Variants in CFAP299 observed in about 807,000 individuals in gnomAD.
CFAP299 encodes cilia- and flagella-associated protein 299.
Under a neutral mutation model 27.0 loss-of-function variants are expected in CFAP299, and 21 were observed. The ratio of observed to expected loss-of-function variants is 0.78; its 90% CI spans 0.55 to 1.12. CFAP299 has a LOEUF of 1.12. Ranked by LOEUF, CFAP299 falls within the 50% of genes most tolerant of loss-of-function variation. The pLI is 0.00. For synonymous variants in CFAP299, 104 were observed against 98.1 expected (o/e 1.06, Z -0.36); for missense variants, 310 against 276.6 (o/e 1.12, Z -0.86).
chr4:80,416,622 G>C (rs186802108), intron 2 of CFAP299, among the ~76,000 whole-genome samples: 3 of 152,208 alleles, frequency 2.0e-5, no homozygotes, highest in Admixed American at 2.0e-4. Flanking sequence ...AGTAAAATCA[G>C]AGTAACTCTC....
chr4:80,714,703 C>T lies in CFAP299; in HGVS notation c.333+131520C>T, dbSNP rs548502039. Among the ~76,000 whole-genome samples, 6 of 152,116 alleles carry T rather than the reference C, an allele frequency of 3.9e-5. No individual in the cohort carries two copies. The South Asian group carries it at 1.2e-3, about 32-fold the overall frequency. On this transcript the variant is annotated intron_variant, in intron 3 of 5. Coordinates refer to ENST00000358105, the MANE Select transcript of CFAP299 (RefSeq NM_152770.3). ...TTTGTTTTTTTCATCATACCCATAC[C>T]TTGCTACGTGCTCTTTCCCTTTGGA...
At chr4:80,755,306 A>G (rs1408583031) in intron 3 of CFAP299, among the ~76,000 whole-genome samples, 1 of 152,142 alleles carries the variant, frequency 6.6e-6, no homozygotes, top group East Asian at 1.9e-4. Context: ...GCAACAAAAA[A>G]AAAGACAAAT....
intron 3 of CFAP299, among the ~76,000 whole-genome samples, chr4:80,837,274 T>TTGTTTA (rs1730614795): frequency 6.6e-6 from 1 of 152,206 alleles, no homozygotes; most frequent in South Asian, 2.1e-4. Context: ...TTCATTGTAT[T>TTGTTTA]TGTTTTTAAT....
intron 3 of CFAP299, among the ~76,000 whole-genome samples, chr4:80,799,787 T>G (rs1409124337): frequency 2.3e-5 from 1 of 44,112 alleles, no homozygotes; most frequent in African/African-American, 9.3e-5. Flanking sequence ...ATATATATTA[T>G]ATATTATATT....
intron 2 of CFAP299, among the ~76,000 whole-genome samples, chr4:80,395,620 G>A (rs1388853473): frequency 3.3e-5 from 5 of 152,090 alleles, no homozygotes; most frequent in Non-Finnish European, 7.4e-5. Flanking sequence ...TAAGGAAGAA[G>A]CATAAAGATT....
intron 3 of CFAP299, among the ~76,000 whole-genome samples, chr4:80,855,351 T>C (rs1401300611): frequency 1.3e-5 from 2 of 152,172 alleles, no homozygotes; most frequent in East Asian, 3.9e-4. Context: ...TACTGTTTAT[T>C]TCTCCTTTAT....
intron 4 of CFAP299, among the ~76,000 whole-genome samples, chr4:80,915,812 C>G (rs989384423): frequency 2.0e-5 from 3 of 151,938 alleles, no homozygotes; most frequent in African/African-American, 4.8e-5. Context: ...TATATTTTCT[C>G]TCTAAAACTT....
chr4:80,703,576 T>G (rs1721641518), intron 3 of CFAP299, among the ~76,000 whole-genome samples: 1 of 151,714 alleles, frequency 6.6e-6, no homozygotes, highest in African/African-American at 2.4e-5. Flanking sequence ...TGCTTATATT[T>G]TGGTGGTTTT....
At chr4:80,685,823 C>A (rs1055639166) in intron 3 of CFAP299, among the ~76,000 whole-genome samples, 2 of 151,954 alleles carry the variant, frequency 1.3e-5, no homozygotes, top group Admixed American at 1.3e-4. Flanking sequence ...TTTTGAAGGT[C>A]CCCATGGACC....
intron 1 of CFAP299, among the ~76,000 whole-genome samples, chr4:80,339,277 G>A (rs978446037): frequency 6.6e-6 from 1 of 152,108 alleles, no homozygotes; most frequent in Non-Finnish European, 1.5e-5. Flanking sequence ...TCCCATGTTG[G>A]TTTCCATTAA....
At chr4:80,471,967 G>A (rs13124220) in intron 2 of CFAP299, among the ~76,000 whole-genome samples, 8,847 of 152,210 alleles carry the variant, frequency 0.058, 311 homozygotes, top group South Asian at 0.16. Context: ...ACTTTCACTA[G>A]CTAGCACTGT....
the CFAP299 span, among the ~76,000 whole-genome samples, chr4:80,328,295 T>C: frequency 3.5e-3 from 537 of 152,300 alleles, 5 homozygotes; most frequent in African/African-American, 0.012. Flanking sequence ...TGTGCTTGTA[T>C]GCCGTTGGGG....
At chr4:80,887,672 A>T (rs978626107) in intron 4 of CFAP299, among the ~76,000 whole-genome samples, 2 of 152,186 alleles carry the variant, frequency 1.3e-5, no homozygotes, top group African/African-American at 4.8e-5. Context: ...GAGCACATAG[A>T]ATAATACAGA....
At chr4:80,863,255 C>T (rs13144651) in intron 3 of CFAP299, among the ~76,000 whole-genome samples, 18,636 of 148,434 alleles carry the variant, frequency 0.13, 1,319 homozygotes, top group Middle Eastern at 0.25. Flanking sequence ...AGTCCCATTT[C>T]GATGTATCAG....
chr4:80,865,055 G>T (rs959844307), intron 3 of CFAP299, among the ~76,000 whole-genome samples: 2 of 152,012 alleles, frequency 1.3e-5, no homozygotes, highest in Non-Finnish European at 2.9e-5. Context: ...GTGTGAGTTT[G>T]GATGCTCCCC....
At chr4:80,494,293 CCACCAGCTCTTCG>C (rs1050782410) in intron 2 of CFAP299, among the ~76,000 whole-genome samples, 1 of 152,186 alleles carries the variant, frequency 6.6e-6, no homozygotes, top group Non-Finnish European at 1.5e-5. Flanking sequence ...CACTATCTTC[CCACCAGCTCTTCG>C]CACTATCCTA....
chr4:80,960,119 A>G (rs1225759015), intron 5 of CFAP299, among the ~76,000 whole-genome samples: 7 of 151,768 alleles, frequency 4.6e-5, no homozygotes, highest in Non-Finnish European at 1.0e-4. Flanking sequence ...AGTTAAAAAA[A>G]AAAAAGCCTT....
chr4:80,956,139 A>G (rs186360919), intron 5 of CFAP299, among the ~76,000 whole-genome samples: 1 of 152,120 alleles, frequency 6.6e-6, no homozygotes, highest in Non-Finnish European at 1.5e-5. Context: ...CAAGCTTCTG[A>G]TTTTACCCCC....
At chr4:80,534,654 G>A (rs1471466738) in intron 2 of CFAP299, among the ~76,000 whole-genome samples, 1 of 152,046 alleles carries the variant, frequency 6.6e-6, no homozygotes, top group Non-Finnish European at 1.5e-5. Context: ...AAAGACATAT[G>A]TTTAAAGTAT....
Sources: gnomAD v4.1 joint callset for allele counts (sites outside exome capture counted in the v4.1 genomes callset) on GRCh38, gnomAD v4.1.1 for gene constraint, MANE v1.5 for transcripts, NCBI Gene and HGNC (gene_info 2026-07-23, HGNC 2026-07-21) for gene names.